Variants in RIC8B observed in about 807,000 individuals in gnomAD.
RIC8B encodes RIC8 guanine nucleotide exchange factor B.
RIC8B carries 16 observed loss-of-function variants against 57.5 expected under a neutral mutation model. The ratio of observed to expected loss-of-function variants is 0.28; its 90% CI spans 0.19 to 0.42. The LOEUF (loss-of-function observed/expected upper bound fraction) is 0.42, where lower values mean the gene tolerates loss of function less well. Among genes scored for constraint, RIC8B ranks in the 10% least tolerant of loss-of-function variants. The pLI, the probability that RIC8B is intolerant of heterozygous loss-of-function variation, is 1.00. For missense variants in RIC8B, 481 were observed against 677.0 expected (o/e 0.71, Z 3.21); for synonymous variants, 216 against 250.8 (o/e 0.86, Z 1.31).
At chr12:106,835,104 G>A (rs968296058) in intron 4 of RIC8B, among the ~76,000 whole-genome samples, 5 of 149,854 alleles carry the variant, frequency 3.3e-5, no homozygotes, top group African/African-American at 4.9e-5. Context: ...TGTACTTACC[G>A]TTTCCATGGC....
intron 1 of RIC8B, 94 bp downstream of exon 1, chr12:106,774,923 G>T (rs1301409196): frequency 2.1e-6 from 2 of 933,766 alleles, no homozygotes; most frequent in Non-Finnish European, 1.6e-6. Context: ...CTCATTCCGG[G>T]GATGCGCATT....
intron 1 of RIC8B, among the ~76,000 whole-genome samples, chr12:106,779,854 C>A (rs1232833510): frequency 1.4e-5 from 2 of 147,366 alleles, no homozygotes; most frequent in Admixed American, 1.4e-4. Flanking sequence ...CTTGCTCCCC[C>A]ACGGGGGCCT....
chr12:106,784,140 G>T, intron 2 of RIC8B, 96 bp downstream of exon 2: 2 of 1,168,030 alleles, frequency 1.7e-6, no homozygotes, highest in South Asian at 2.8e-5. Flanking sequence ...GATGGTTATT[G>T]ATTGGTTTCT....
intron 8 of RIC8B, among the ~76,000 whole-genome samples, chr12:106,866,843 A>C (rs1488130230): frequency 6.6e-6 from 1 of 152,142 alleles, no homozygotes; most frequent in African/African-American, 2.4e-5. Context: ...CTTTTGAAAA[A>C]CTGGAAGTTC....
chr12:106,814,727 T>C lies in RIC8B; in HGVS notation c.164T>C (p.Ile55Thr). ...TGTGAAGGCATATTTAAAGTCCTTA[T>C]AAAGGACATCCCAACAACATGTCAA... ...KLCEGIFKVL[I>T]KDIPTTCQVS... is the part of the protein sequence containing the mutation. The change falls in exon 3 of 10, where the codon ATA becomes ACA. Residue 55 changes from isoleucine to threonine, a missense_variant. By Grantham distance (89) the Ile-to-Thr change is moderately conservative. Coordinates refer to ENST00000392837, the MANE Select transcript of RIC8B (RefSeq NM_001330145.2). The C allele has an allele frequency of 6.2e-7, 1 of 1,610,618 alleles. No homozygotes were observed. Among genetic ancestry groups the C allele is most frequent in the South Asian group, 1.1e-5 (1 of 90,462 alleles).
chr12:106,844,075 A>G, intron 6 of RIC8B, 128 bp downstream of exon 6: 1 of 694,220 alleles, frequency 1.4e-6, no homozygotes. Context: ...AATCTTTGAA[A>G]TCTTCTTAAT....
At chr12:106,818,167 C>A (rs1284723298) in intron 3 of RIC8B, among the ~76,000 whole-genome samples, 4 of 151,656 alleles carry the variant, frequency 2.6e-5, no homozygotes, top group Non-Finnish European at 5.9e-5. Flanking sequence ...AAGATAAACA[C>A]TTTTTTTTCT....
At chr12:106,876,680 G>A (rs942988806) in intron 9 of RIC8B, among the ~76,000 whole-genome samples, 4 of 152,078 alleles carry the variant, frequency 2.6e-5, no homozygotes, top group Non-Finnish European at 4.4e-5. Flanking sequence ...TTGTTCTTTA[G>A]ATCTGTAGTG....
At chr12:106,813,913 T>C (rs966165051) in intron 2 of RIC8B, among the ~76,000 whole-genome samples, 1 of 152,156 alleles carries the variant, frequency 6.6e-6, no homozygotes, top group African/African-American at 2.4e-5. Context: ...ATCCTTAAAT[T>C]TGACAATGGT....
intron 9 of RIC8B, chr12:106,871,400 A>T (rs1043310680): frequency 6.6e-6 from 1 of 151,264 alleles, no homozygotes; most frequent in Non-Finnish European, 1.5e-5. Context: ...GCACCCAATA[A>T]GAAAAAGTGA....
intron 2 of RIC8B, among the ~76,000 whole-genome samples, chr12:106,805,503 C>G (rs1384070890): frequency 1.3e-5 from 2 of 152,006 alleles, no homozygotes; most frequent in Non-Finnish European, 2.9e-5. Context: ...TCTCAAACAA[C>G]AACAACAAAA....
chr12:106,779,053 A>G (rs544399248), intron 1 of RIC8B, among the ~76,000 whole-genome samples: 2 of 152,150 alleles, frequency 1.3e-5, no homozygotes, highest in African/African-American at 4.8e-5. Context: ...AGCTGGGATT[A>G]CAGGCATGCA....
At chr12:106,869,235 G>A (rs1315024117) in intron 8 of RIC8B, among the ~76,000 whole-genome samples, 1 of 152,146 alleles carries the variant, frequency 6.6e-6, no homozygotes, top group African/African-American at 2.4e-5. Context: ...CCTTCCATAA[G>A]AATTGGTATG....
chr12:106,793,368 C>T (rs1257477858), intron 2 of RIC8B, among the ~76,000 whole-genome samples: 1 of 152,190 alleles, frequency 6.6e-6, no homozygotes, highest in Non-Finnish European at 1.5e-5. Context: ...AAGGAACTGA[C>T]TTCATTTGCA....
chr12:106,798,934 T>A (rs1200688914), intron 2 of RIC8B, among the ~76,000 whole-genome samples: 3 of 152,216 alleles, frequency 2.0e-5, no homozygotes, highest in African/African-American at 7.2e-5. Context: ...TCCCTAATAT[T>A]ATAAACTACT....
chr12:106,843,741 AAAAG>A, intron 5 of RIC8B, 107 bp from the exon 6 acceptor site: 3 of 675,946 alleles, frequency 4.4e-6, no homozygotes, highest in South Asian at 2.2e-5. Flanking sequence ...AAAAAAAAAA[AAAAG>A]TCCCCACCTC....
At chr12:106,777,636 G>C (rs528270184) in intron 1 of RIC8B, among the ~76,000 whole-genome samples, 1 of 152,202 alleles carries the variant, frequency 6.6e-6, no homozygotes, top group Admixed American at 6.5e-5. Context: ...GTAGAAAGGT[G>C]GTGGGATTTG....
chr12:106,775,316 A>C (rs2043412301), intron 1 of RIC8B: 1 of 455,932 alleles, frequency 2.2e-6, no homozygotes, highest in South Asian at 1.5e-5. Context: ...GTCTCCTTTG[A>C]TCCTCAGAGT....
intron 3 of RIC8B, among the ~76,000 whole-genome samples, chr12:106,820,090 T>C (rs2045772037): frequency 4.6e-5 from 7 of 152,228 alleles, no homozygotes; most frequent in Admixed American, 4.6e-4. Context: ...TTTTAAAATC[T>C]TTGCCTGTTT....
Sources: gnomAD v4.1 joint callset for allele counts (sites outside exome capture counted in the v4.1 genomes callset) on GRCh38, gnomAD v4.1.1 for gene constraint, MANE v1.5 for transcripts, NCBI Gene and HGNC (gene_info 2026-07-23, HGNC 2026-07-21) for gene names.